GPC5: variants seen among roughly 807,000 people sequenced by gnomAD.
GPC5 encodes the protein glypican 5.
GPC5 carries 47 observed loss-of-function variants against 53.9 expected under a neutral mutation model. The ratio of observed to expected loss-of-function variants is 0.87; its 90% CI spans 0.69 to 1.11. The LOEUF (loss-of-function observed/expected upper bound fraction) is 1.11. GPC5 is among the 50% of genes most tolerant of loss of function. The pLI, the probability that GPC5 is intolerant of heterozygous loss-of-function variation, is 0.00. For synonymous variants in GPC5, 286 were observed against 263.3 expected (o/e 1.09, Z -0.84); for missense variants, 748 against 713.1 (o/e 1.05, Z -0.56).
intron 2 of GPC5, among the ~76,000 whole-genome samples, chr13:91,612,066 C>T (rs1374617615): frequency 3.3e-5 from 5 of 152,122 alleles, no homozygotes; most frequent in Non-Finnish European, 7.4e-5. Flanking sequence ...CATTTTGCCT[C>T]TAGTTATCAC....
intron 7 of GPC5, among the ~76,000 whole-genome samples, chr13:92,605,972 A>T (rs1324858648): frequency 6.6e-6 from 1 of 152,204 alleles, no homozygotes; most frequent in African/African-American, 2.4e-5. Flanking sequence ...TTCAAGAAGG[A>T]AGAAGTTTTA....
At chr13:91,809,847 T>C (rs2038282426) in intron 5 of GPC5, among the ~76,000 whole-genome samples, 1 of 152,076 alleles carries the variant, frequency 6.6e-6, no homozygotes, top group Non-Finnish European at 1.5e-5. Flanking sequence ...AAAATTGCCT[T>C]TTTGTAATAT....
chr13:92,474,022 G>C (rs1463258561), intron 7 of GPC5, among the ~76,000 whole-genome samples: 1 of 152,116 alleles, frequency 6.6e-6, no homozygotes, highest in Non-Finnish European at 1.5e-5. Context: ...GAGGTTTATT[G>C]CCTTGCTAAA....
At chr13:92,841,346 A>G (rs1321433873) in intron 7 of GPC5, among the ~76,000 whole-genome samples, 2 of 152,166 alleles carry the variant, frequency 1.3e-5, no homozygotes, top group African/African-American at 4.8e-5. Context: ...TTTTTCCATG[A>G]AGCAGCAGAA....
chr13:91,861,679 C>T (rs7981730), intron 5 of GPC5, among the ~76,000 whole-genome samples: 28,014 of 132,352 alleles, frequency 0.21, 3,283 homozygotes, highest in East Asian at 0.41. Context: ...CTCTACCTTA[C>T]AATTGGATAA....
intron 7 of GPC5, among the ~76,000 whole-genome samples, chr13:92,770,775 G>A (rs1351138962): frequency 6.6e-6 from 1 of 152,050 alleles, no homozygotes; most frequent in Non-Finnish European, 1.5e-5. Flanking sequence ...TATGTGTAAG[G>A]GACTCCAGAT....
At chr13:91,585,892 A>G (rs1209053142) in intron 2 of GPC5, among the ~76,000 whole-genome samples, 2 of 152,178 alleles carry the variant, frequency 1.3e-5, no homozygotes, top group African/African-American at 4.8e-5. Flanking sequence ...TGAAAAAAGA[A>G]AAAACAAGAA....
intron 7 of GPC5, among the ~76,000 whole-genome samples, chr13:92,654,774 A>T (rs1433755596): frequency 1.3e-5 from 2 of 151,826 alleles, no homozygotes; most frequent in Non-Finnish European, 2.9e-5. Flanking sequence ...AAGTAGAAGT[A>T]AATGTATCCC....
intron 7 of GPC5, among the ~76,000 whole-genome samples, chr13:92,589,645 C>T (rs1255997377): frequency 3.3e-5 from 5 of 152,164 alleles, no homozygotes; most frequent in Admixed American, 6.5e-5. Flanking sequence ...CTAAATATTG[C>T]TTTGCCAAAT....
At chr13:92,849,591 T>C (rs931848640) in intron 7 of GPC5, among the ~76,000 whole-genome samples, 6 of 152,238 alleles carry the variant, frequency 3.9e-5, no homozygotes, top group Non-Finnish European at 5.9e-5. Context: ...ATGCCTTTCA[T>C]ATGAGTGTTC....
At chr13:92,376,948 G>A (rs1417565737) in intron 7 of GPC5, among the ~76,000 whole-genome samples, 1 of 151,966 alleles carries the variant, frequency 6.6e-6, no homozygotes, top group Non-Finnish European at 1.5e-5. Context: ...CCCAGGAGCG[G>A]AGGTTGCAGT....
rs1566550124 is a variant in GPC5, at chr13:92,347,922, T to TA, written c.1561+202934dup. Among the ~76,000 whole-genome samples, 109 of 12,338 alleles carry TA rather than the reference T, an allele frequency of 8.8e-3. 7 individuals carry two copies. Among genetic ancestry groups the TA allele is most frequent in the African/African-American group, 0.042 (34 of 808 alleles). 8.1% of individuals were successfully genotyped at this position (12,338 alleles called of 152,430 possible). On this transcript the variant is annotated intron_variant, in intron 7 of 7. Coordinates refer to ENST00000377067, the MANE Select transcript of GPC5 (RefSeq NM_004466.6). ...ATATAATATATATATAATATATATA[T>TA]ATTATATATACATCTTATATGTAAA...
chr13:92,190,627 G>A (rs960769294), intron 7 of GPC5, among the ~76,000 whole-genome samples: 1 of 152,158 alleles, frequency 6.6e-6, no homozygotes, highest in Non-Finnish European at 1.5e-5. Context: ...TGCTTGTGAA[G>A]TGATACAGTG....
chr13:92,517,637 A>G (rs992653233), intron 7 of GPC5, among the ~76,000 whole-genome samples: 1 of 152,208 alleles, frequency 6.6e-6, no homozygotes, highest in Admixed American at 6.5e-5. Flanking sequence ...TTAGAAGGAA[A>G]ACTAACAAAC....
chr13:92,041,397 C>T lies in GPC5; in HGVS notation c.1402-103433C>T, dbSNP rs78257184. Among the ~76,000 whole-genome samples the T allele has an allele frequency of 8.4e-3, 1,276 of 152,218 alleles. 20 individuals are homozygous for T. The highest frequency in any genetic ancestry group is 0.029 in the African/African-American group (1,188 of 41,524). ...GAGTAATCAGAACAGAATGTGAGGC[C>T]GACTTGAAAGCATCTCCCAACCTCA... On this transcript the variant is annotated intron_variant, in intron 6 of 7. Transcript: ENST00000377067.
At chr13:92,494,549 GTTTA>G (rs985364891) in intron 7 of GPC5, among the ~76,000 whole-genome samples, 62 of 152,028 alleles carry the variant, frequency 4.1e-4, no homozygotes, top group African/African-American at 1.5e-3. Context: ...TATTCTAAGT[GTTTA>G]TTTTGAAAAA....
intron 4 of GPC5, among the ~76,000 whole-genome samples, chr13:91,739,785 A>G (rs535852921): frequency 1.3e-5 from 2 of 151,508 alleles, no homozygotes; most frequent in South Asian, 4.1e-4. Flanking sequence ...GCAATATTCC[A>G]TAGGTTACAC....
In GPC5 at chr13:92,606,094, T is replaced by TA. The variant is rs1322904219; in HGVS notation, c.1562-260187dup. 2.0e-5 allele frequency among the ~76,000 whole-genome samples: 3 copies of TA among 152,100 alleles called. No individual in the cohort carries two copies. The East Asian group carries it at 5.8e-4, about 29-fold the overall frequency. ...TCTTTTCTTTTATCTTTCTTTTTTT[T>TA]ATTATTATTATGCTTTAAGTTCTAG... On this transcript the variant is annotated intron_variant, in intron 7 of 7. Transcript: ENST00000377067.
intron 7 of GPC5, among the ~76,000 whole-genome samples, chr13:92,227,771 G>A (rs1274486080): frequency 6.6e-6 from 1 of 151,906 alleles, no homozygotes; most frequent in Non-Finnish European, 1.5e-5. Context: ...AATGCTTGTG[G>A]CTAATAATTG....
Sources: gnomAD v4.1 joint callset for allele counts (sites outside exome capture counted in the v4.1 genomes callset) on GRCh38, gnomAD v4.1.1 for gene constraint, MANE v1.5 for transcripts, NCBI Gene and HGNC (gene_info 2026-07-23, HGNC 2026-07-21) for gene names.